The following TFPT variants were observed in gnomAD, a reference collection of about 807,000 sequenced individuals.
TFPT encodes INO80 complex subunit F.
In TFPT, 27 loss-of-function variants were observed where a neutral mutation model predicts 28.8. The observed-to-expected ratio is 0.94, with a 90% CI of 0.69 to 1.29. TFPT has a LOEUF of 1.29. Among genes scored for constraint, TFPT ranks in the 50% most tolerant of loss-of-function variants. TFPT has a pLI of 0.00. For missense variants in TFPT, 330 were observed against 338.0 expected (o/e 0.98, Z 0.19); for synonymous variants, 152 against 142.8 (o/e 1.06, Z -0.46).
In TFPT at chr19:54,114,431, C is replaced by A; in HGVS notation, c.282+11G>T. 1.9e-6 allele frequency: 3 copies of A among 1,608,236 alleles called. No homozygotes were observed. Among genetic ancestry groups the A allele is most frequent in the Non-Finnish European group, 2.5e-6 (3 of 1,176,688 alleles). Reference sequence around the variant, plus strand: ...GGGGACCCCAAAACCGGGGGATCCGCACTCACCTACCTGCTCGATCTCCCG... The same window carrying A: ...GGGGACCCCAAAACCGGGGGATCCGAACTCACCTACCTGCTCGATCTCCCG... On this transcript the variant is annotated intron_variant, in intron 2 of 5. Transcript: ENST00000391759.
In TFPT at chr19:54,108,753, GAA is replaced by G. The variant is rs1317819296; in HGVS notation, c.354-360_354-359del. ...TGAGTTATAATTTTTATTGATAACT[GAA>G]GAGAGGGGAGTACAGAACGCTCCTC... On this transcript the variant is annotated intron_variant, in intron 3 of 5. Transcript: ENST00000391759. 7.9e-6 allele frequency: 6 copies of G among 755,232 alleles called. No individual in the cohort carries two copies. In the African/African-American group the frequency reaches 1.1e-4, roughly 13 times the overall value. The allele number at this position is 755,232 out of a possible 1,614,324, so 46.8% of individuals were successfully genotyped here.
intron 2 of TFPT, among the ~76,000 whole-genome samples, chr19:54,112,807 TGAA>T (rs1395578992): frequency 1.3e-5 from 2 of 151,388 alleles, no homozygotes; most frequent in Non-Finnish European, 2.9e-5. Flanking sequence ...GAAAAAGAGT[TGAA>T]GGCCAGGCGT....
At chr19:54,108,877 G>A in intron 3 of TFPT, 1 of 354,562 alleles carries the variant, frequency 2.8e-6, no homozygotes, top group East Asian at 6.0e-5. Context: ...TGCCTCCTCT[G>A]CACCAGCACC....
rs746696573 is a variant in TFPT at position 54,108,401 on chromosome 19, CAG to C, written c.354-8_354-7del. 2.7e-5 allele frequency: 44 copies of C among 1,613,932 alleles called. No individual in the cohort carries two copies. The East Asian group carries it at 8.2e-4, about 30-fold the overall frequency. ...CCAGCACTCTCATGAGGAACCTGCTCAGGGGGAGAAGCCACCAACGGAATAAC... is the reference window on the plus strand; with the variant it reads ...CCAGCACTCTCATGAGGAACCTGCTCGGGGAGAAGCCACCAACGGAATAAC... On this transcript the variant is annotated splice_region_variant and splice_polypyrimidine_tract_variant and intron_variant, in intron 3 of 5. Coordinates refer to ENST00000391759, the MANE Select transcript of TFPT (RefSeq NM_013342.4).
chr19:54,114,894 C>G, intron 1 of TFPT, 194 bp from the exon 2 acceptor site: 1 of 780,586 alleles, frequency 1.3e-6, no homozygotes, highest in East Asian at 2.7e-5. Flanking sequence ...AGTCCGCAAC[C>G]CACCCTTCGC....
At chr19:54,114,737 T>TGGACCCC (rs1198390884) in intron 1 of TFPT, 37 bp from the exon 2 acceptor site, 15 of 1,571,866 alleles carry the variant, frequency 9.5e-6, no homozygotes. Context: ...CCCTGGATCC[T>TGGACCCC]GGACCCCCAG....
At chr19:54,110,670 C>T (rs1030297718) in intron 2 of TFPT, among the ~76,000 whole-genome samples, 2 of 152,004 alleles carry the variant, frequency 1.3e-5, no homozygotes, top group Admixed American at 6.6e-5. Context: ...CCACTGCACT[C>T]CAGCCTGGGC....
intron 3 of TFPT, 177 bp from the exon 4 acceptor site, chr19:54,108,572 C>T (rs746025326): frequency 1.3e-6 from 2 of 1,590,118 alleles, no homozygotes; most frequent in Non-Finnish European, 8.6e-7. Context: ...GCCTTGAGAC[C>T]TCGAGCAAGA....
intron 2 of TFPT, among the ~76,000 whole-genome samples, chr19:54,113,597 C>G (rs1430417360): frequency 6.6e-6 from 1 of 151,416 alleles, no homozygotes; most frequent in Non-Finnish European, 1.5e-5. Context: ...TTCAGTGGCT[C>G]CTTCACTCTC....
At position 54,108,215 on chromosome 19, in the gene TFPT, G is replaced by T. The variant is rs775287706; in HGVS notation, c.453C>A (p.Pro151=). The T allele has an allele frequency of 6.3e-7, 1 of 1,596,374 alleles. No homozygotes were observed. The highest frequency in any genetic ancestry group is 1.3e-5 in the African/African-American group (1 of 74,738). ...EDEGSQGTDA[P]TPGNAENEPP... ...GCTCATTCTCCGCATTGCCTGGGGT[G>T]GGGGCATCCGTGCCCTGGCTGCCCT... The change falls in exon 5 of 6, where the codon CCC becomes CCA. Residue 151 remains proline, a synonymous_variant. Transcript: ENST00000391759.
Position 54,108,147 on chromosome 19 carries a change from G to A in TFPT, c.521C>T (p.Ala174Val). The A allele has an allele frequency of 6.3e-7, 1 of 1,587,718 alleles. No homozygotes were observed. The highest frequency in any genetic ancestry group is 8.6e-7 in the Non-Finnish European group (1 of 1,164,874). The change falls in exon 5 of 6, where the codon GCA (alanine) becomes GTA (valine). Residue 174 changes from alanine (A) to valine (V), a missense_variant. By Grantham distance (64) the Ala-to-Val change is moderately conservative. Coordinates refer to ENST00000391759, the MANE Select transcript of TFPT (RefSeq NM_013342.4). The stretch of plus-strand genomic sequence containing the variant: ...GGCTGGGCTGCCGGGTTCTGGGGGT[G>A]CAGGAGTCCTTCTGGGCGGGGACAG... ...ETLSPPRRTP[A>V]PPEPGSPAPG...
intron 2 of TFPT, among the ~76,000 whole-genome samples, chr19:54,112,646 A>C (rs1232880436): frequency 6.6e-6 from 1 of 151,934 alleles, no homozygotes; most frequent in Non-Finnish European, 1.5e-5. Context: ...AAAATTAGCC[A>C]GGTGTGGTGG....
rs188169051 is a variant in TFPT, at chr19:54,112,962, G to A, written c.282+1480C>T. ...AGAAAAATTAGCTGGGTGTGGTGGC[G>A]GGCGCCTGTAATCCCAGCTACTAGG... On this transcript the variant is annotated intron_variant, in intron 2 of 5. Transcript: ENST00000391759. Among the ~76,000 whole-genome samples the A allele has an allele frequency of 1.9e-3, 282 of 151,630 alleles. 1 individual carries two copies. Among genetic ancestry groups the A allele is most frequent in the African/African-American group, 6.4e-3 (266 of 41,316 alleles).
rs2073601803 is a variant in TFPT, at chr19:54,115,511, G to A, written c.-242C>T. The A allele has an allele frequency of 1.7e-6, 1 of 598,440 alleles. No homozygotes were observed. The highest frequency in any genetic ancestry group is 3.0e-6 in the Non-Finnish European group (1 of 337,510). 37.1% of individuals were successfully genotyped at this position (598,440 alleles called of 1,614,324 possible). ...TGTCTAACGCCGCAACCAGTCCTCT[G>A]AGTTGCCAACGTCTTTCTTCTTGTC... On this transcript the variant is annotated 5_prime_UTR_variant, in exon 1 of 6. Coordinates refer to ENST00000391759, the MANE Select transcript of TFPT (RefSeq NM_013342.4).
rs767220147 is a variant in TFPT at position 54,110,115 on chromosome 19, C to T, written c.289G>A (p.Glu97Lys). 19 of 1,614,162 alleles carry T rather than the reference C, an allele frequency of 1.2e-5. No homozygotes were observed. The highest frequency in any genetic ancestry group is 1.6e-4 in the Middle Eastern group (1 of 6,062). Residue 97 changes from glutamate to lysine, a missense_variant, in exon 3 of 6, where the codon GAG (glutamate) becomes AAG (lysine). Transcript: ENST00000391759. ...RRCREIEQVN[E>K]RVLNRLHQVQ... ...TGATGGAGCCTGTTCAGGACCCGCT[C>T]GTTCACCTATGGGGTGGGAAACGCC...
At position 54,115,620 on chromosome 19, in the gene TFPT, G is replaced by T; in HGVS notation, c.-351C>A. The stretch of plus-strand genomic sequence containing the variant: ...GGACGTGAGTCCCTTTCCTCCTCGC[G>T]GCTTACCGCCTCTCTCCGCCTAGTG... On this transcript the variant is annotated 5_prime_UTR_variant, in exon 1 of 6. Transcript: ENST00000391759. The T allele has an allele frequency of 2.3e-6, 1 of 429,264 alleles. No homozygotes were observed. Among genetic ancestry groups the T allele is most frequent in the East Asian group, 3.7e-5 (1 of 26,758 alleles). 26.6% of individuals were successfully genotyped at this position (429,264 alleles called of 1,614,324 possible). A position where few individuals can be genotyped will look rare whatever the true frequency, so the allele number is the denominator to read the frequency against.
intron 2 of TFPT, 82 bp downstream of exon 2, chr19:54,114,360 G>A: frequency 1.3e-6 from 2 of 1,530,952 alleles, no homozygotes; most frequent in East Asian, 4.5e-5. Context: ...AAGAAAGGCT[G>A]GGCATGTGGA....
At chr19:54,112,243 G>C (rs2073476369) in intron 2 of TFPT, among the ~76,000 whole-genome samples, 1 of 103,164 alleles carries the variant, frequency 9.7e-6, no homozygotes, top group Admixed American at 1.1e-4. Context: ...AACAGAGAAA[G>C]ACCCTGTCTC....
In TFPT at chr19:54,107,363, C is replaced by G. The variant is rs587599296; in HGVS notation, c.643-194G>C. ...TCCCAGGCTCAAGTGATCCTCCCAC[C>G]TCAGCTTCCCAAGTAGCTGGGACTA... On this transcript the variant is annotated intron_variant, in intron 5 of 5. Coordinates refer to ENST00000391759, the MANE Select transcript of TFPT (RefSeq NM_013342.4). 1.5e-4 allele frequency: 103 copies of G among 686,622 alleles called. 1 individual carries two copies. In the African/African-American group the frequency reaches 1.6e-3, roughly 11 times the overall value. 42.5% of individuals were successfully genotyped at this position (686,622 alleles called of 1,614,324 possible). A position where few individuals can be genotyped will look rare whatever the true frequency, so the allele number is the denominator to read the frequency against.
Sources: gnomAD v4.1 joint callset for allele counts (sites outside exome capture counted in the v4.1 genomes callset) on GRCh38, gnomAD v4.1.1 for gene constraint, MANE v1.5 for transcripts, NCBI Gene and HGNC (gene_info 2026-07-23, HGNC 2026-07-21) for gene names.